The following NAV3 variants were observed in gnomAD, a reference collection of about 807,000 sequenced individuals.
The protein encoded by NAV3 is pore membrane and/or filament interacting like protein 1.
NAV3 carries 87 observed loss-of-function variants against 244.7 expected under a neutral mutation model. The ratio of observed to expected loss-of-function variants is 0.36; its 90% CI spans 0.30 to 0.42. The LOEUF (loss-of-function observed/expected upper bound fraction) is 0.42, where lower values mean the gene tolerates loss of function less well. NAV3 is among the 20% of genes least tolerant of loss of function. NAV3 has a pLI of 1.00. For missense variants in NAV3, 2,663 were observed against 2,893.3 expected (o/e 0.92, Z 1.83); for synonymous variants, 1,126 against 1,042.2 (o/e 1.08, Z -1.55).
At chr12:77,943,578 T>C (rs1379293253) in intron 3 of NAV3, among the ~76,000 whole-genome samples, 1 of 151,942 alleles carries the variant, frequency 6.6e-6, no homozygotes, top group Non-Finnish European at 1.5e-5. Context: ...CAGACTTTAA[T>C]TGAGACAAGA....
chr12:78,127,191 A>G lies in NAV3; in HGVS notation c.4263A>G (p.Leu1421=), dbSNP rs1445028110. 2.5e-6 allele frequency: 4 copies of G among 1,613,602 alleles called. No individual in the cohort carries two copies. In the Admixed American group the frequency reaches 5.0e-5, roughly 20 times the overall value. The change falls in exon 17 of 40, where the codon CTA becomes CTG. Residue 1421 remains leucine, a synonymous_variant. Transcript: ENST00000397909. ...GCATGCAGCTTGACAGAAATACACTACCCAAAAAGGGACTAAGGTATATAT... is the reference window on the plus strand; with the variant it reads ...GCATGCAGCTTGACAGAAATACACTGCCCAAAAAGGGACTAAGGTATATAT... ...SESMQLDRNT[L]PKKGLRYTPS... is the part of the protein sequence containing the mutation.
chr12:78,098,918 T>G (rs1437140634), intron 12 of NAV3, among the ~76,000 whole-genome samples: 1 of 150,616 alleles, frequency 6.6e-6, no homozygotes, highest in African/African-American at 2.4e-5. Context: ...AATTTTTGAA[T>G]TACTAAAGGA....
chr12:78,143,624 CAGAAAAAAA>C (rs1956727869), intron 20 of NAV3, among the ~76,000 whole-genome samples: 1 of 92,656 alleles, frequency 1.1e-5, no homozygotes. Context: ...AACACTGTCT[CAGAAAAAAA>C]AAAAAAAAAA....
At position 78,007,242 on chromosome 12, in the gene NAV3, T is replaced by C. The variant is rs1566012945; in HGVS notation, c.1704T>C (p.Pro568=). ...KGSPSQSLSK[P]ITMEKASASS... ...GCCCTTCCCAGTCCTTATCTAAGCC[T>C]ATAACCATGGAGAAAGCAAGTGCTT... Residue 568 remains proline (P), a synonymous_variant, in exon 8 of 40, where the codon CCT becomes CCC. Coordinates refer to ENST00000397909, the MANE Select transcript of NAV3 (RefSeq NM_001024383.2). 1 of 1,614,156 alleles carries C rather than the reference T, an allele frequency of 6.2e-7. No homozygotes were observed. The highest frequency in any genetic ancestry group is 8.5e-7 in the Non-Finnish European group (1 of 1,180,028).
At chr12:77,594,202 A>G (rs949285362) in intron 2 of NAV3, among the ~76,000 whole-genome samples, 20 of 152,250 alleles carry the variant, frequency 1.3e-4, no homozygotes, top group African/African-American at 4.8e-4. Flanking sequence ...AATTATTCCT[A>G]TTACCCATGG....
At chr12:77,584,307 A>C (rs1203139064) in intron 2 of NAV3, among the ~76,000 whole-genome samples, 1 of 152,244 alleles carries the variant, frequency 6.6e-6, no homozygotes, top group Admixed American at 6.5e-5. Context: ...CCATTAATTC[A>C]GCAAATGTCT....
intron 9 of NAV3, among the ~76,000 whole-genome samples, chr12:78,048,080 C>T (rs11108015): frequency 0.3 from 45,117 of 151,966 alleles, 7,508 homozygotes; most frequent in African/African-American, 0.46. Context: ...TGTTCTTCTC[C>T]ACTAAACTGG....
At chr12:78,143,377 T>A (rs1021082444) in intron 20 of NAV3, 1 of 451,378 alleles carries the variant, frequency 2.2e-6, no homozygotes, top group African/African-American at 2.0e-5. Flanking sequence ...ATGCCGGTAA[T>A]CTCAACACTT....
chr12:77,988,483 C>T (rs1461705450), intron 5 of NAV3, among the ~76,000 whole-genome samples: 1 of 152,132 alleles, frequency 6.6e-6, no homozygotes, highest in Non-Finnish European at 1.5e-5. Flanking sequence ...AAATAGTTGA[C>T]TGTGTATAGT....
intron 1 of NAV3, among the ~76,000 whole-genome samples, chr12:77,925,061 A>G (rs1888059800): frequency 6.6e-6 from 1 of 152,096 alleles, no homozygotes; most frequent in Admixed American, 6.6e-5. Flanking sequence ...CCCTTCAAAA[A>G]TTTAACTTTA....
intron 2 of NAV3, among the ~76,000 whole-genome samples, chr12:77,750,082 G>A (rs1259917649): frequency 1.3e-5 from 2 of 152,102 alleles, no homozygotes; most frequent in Admixed American, 6.6e-5. Context: ...GGCTAGGTGC[G>A]GTGGCTTACG....
At chr12:77,596,958 T>C (rs1000556980) in intron 2 of NAV3, among the ~76,000 whole-genome samples, 1 of 152,108 alleles carries the variant, frequency 6.6e-6, no homozygotes, top group African/African-American at 2.4e-5. Context: ...AAAAGTCTTA[T>C]AGTCAAGGCT....
chr12:78,209,218 G>A (rs1960642462), intron 39 of NAV3, among the ~76,000 whole-genome samples: 1 of 152,038 alleles, frequency 6.6e-6, no homozygotes, highest in African/African-American at 2.4e-5. Flanking sequence ...TGCTGAAATT[G>A]GTGATTACCA....
chr12:77,869,920 T>C (rs1475809213), intron 1 of NAV3, among the ~76,000 whole-genome samples: 1 of 152,156 alleles, frequency 6.6e-6, no homozygotes, highest in Non-Finnish European at 1.5e-5. Context: ...GACGCATATG[T>C]TCAATTCTGT....
chr12:77,841,734 G>T (rs758340586), intron 1 of NAV3, among the ~76,000 whole-genome samples: 36 of 152,092 alleles, frequency 2.4e-4, no homozygotes, highest in Non-Finnish European at 3.5e-4. Context: ...ATACTAACTG[G>T]CCATTTATAG....
chr12:77,612,348 C>A (rs1273673067), intron 2 of NAV3, among the ~76,000 whole-genome samples: 1 of 152,052 alleles, frequency 6.6e-6, no homozygotes, highest in Non-Finnish European at 1.5e-5. Context: ...AATATTTGAT[C>A]CATTGCTGGA....
chr12:78,040,583 T>C (rs543363720), intron 9 of NAV3, among the ~76,000 whole-genome samples: 2 of 152,326 alleles, frequency 1.3e-5, no homozygotes, highest in African/African-American at 4.8e-5. Flanking sequence ...TTAATTTTAA[T>C]ATTCCAGTTG....
At chr12:78,054,954 G>A (rs750980635) in intron 11 of NAV3, among the ~76,000 whole-genome samples, 1 of 152,092 alleles carries the variant, frequency 6.6e-6, no homozygotes, top group Non-Finnish European at 1.5e-5. Context: ...ATAAAAGAGA[G>A]CAGGAATTGT....
chr12:77,660,850 A>T (rs1230925474), intron 2 of NAV3, among the ~76,000 whole-genome samples: 3 of 152,126 alleles, frequency 2.0e-5, no homozygotes, highest in Non-Finnish European at 2.9e-5. Flanking sequence ...TACAATACAC[A>T]GTTTTTTGCA....
Sources: gnomAD v4.1 joint callset for allele counts (sites outside exome capture counted in the v4.1 genomes callset) on GRCh38, gnomAD v4.1.1 for gene constraint, MANE v1.5 for transcripts, NCBI Gene and HGNC (gene_info 2026-07-23, HGNC 2026-07-21) for gene names.